The following ABCA9 variants were observed in gnomAD, a reference collection of about 807,000 sequenced individuals.
ABCA9 encodes the protein ATP-binding cassette sub-family A member 9.
In ABCA9, 183 loss-of-function variants were observed where a neutral mutation model predicts 205.3. The ratio of observed to expected loss-of-function variants is 0.89; its 90% CI spans 0.79 to 1.01. The LOEUF (loss-of-function observed/expected upper bound fraction) is 1.01, where lower values mean the gene tolerates loss of function less well. Ranked by LOEUF, ABCA9 falls within the 50% of genes least tolerant of loss-of-function variation. The pLI, the probability that ABCA9 is intolerant of heterozygous loss-of-function variation, is 0.00. For synonymous variants in ABCA9, 651 were observed against 683.3 expected (o/e 0.95, Z 0.74); for missense variants, 1,805 against 1,912.4 (o/e 0.94, Z 1.05).
intron 4 of ABCA9, 38 bp downstream of exon 4, chr17:69,045,134 C>A (rs777418310): frequency 1.9e-6 from 3 of 1,591,886 alleles, no homozygotes; most frequent in Non-Finnish European, 2.6e-6. Flanking sequence ...GCTACTGATA[C>A]AATAGCAAAA....
intron 1 of ABCA9, among the ~76,000 whole-genome samples, chr17:69,053,330 G>T (rs1382105848): frequency 6.6e-6 from 1 of 152,146 alleles, no homozygotes; most frequent in African/African-American, 2.4e-5. Flanking sequence ...GAAGCTCTGT[G>T]TCAGGAACAG....
intron 37 of ABCA9, among the ~76,000 whole-genome samples, chr17:68,981,320 T>C (rs550912121): frequency 6.6e-6 from 1 of 151,654 alleles, no homozygotes; most frequent in Admixed American, 6.6e-5. Context: ...GTTAAGTATG[T>C]GATGTGAAAA....
chr17:69,014,445 C>T (rs184104844), intron 22 of ABCA9, among the ~76,000 whole-genome samples: 5 of 152,044 alleles, frequency 3.3e-5, no homozygotes, highest in Non-Finnish European at 5.9e-5. Context: ...CTGAAAAAAT[C>T]GAGAATCCGA....
intron 31 of ABCA9, among the ~76,000 whole-genome samples, chr17:68,988,419 C>T (rs1179463845): frequency 6.6e-6 from 1 of 152,102 alleles, no homozygotes; most frequent in Non-Finnish European, 1.5e-5. Flanking sequence ...TCACCATTGT[C>T]CTTCAAGAAT....
At chr17:69,062,806 C>G (rs895526731), upstream of ABCA9, among the ~76,000 whole-genome samples, 1 of 152,176 alleles carries the variant, frequency 6.6e-6, no homozygotes, top group Non-Finnish European at 1.5e-5. Context: ...AGCCACTGCG[C>G]CCGACGTATT....
At chr17:69,068,860 G>A in the ABCA9 span, among the ~76,000 whole-genome samples, 1 of 152,070 alleles carries the variant, frequency 6.6e-6, no homozygotes, top group African/African-American at 2.4e-5. Flanking sequence ...TAAACACAAT[G>A]GACAACTCAA....
chr17:69,037,232 A>G (rs1018669939), intron 6 of ABCA9, among the ~76,000 whole-genome samples: 1 of 152,170 alleles, frequency 6.6e-6, no homozygotes, highest in Non-Finnish European at 1.5e-5. Flanking sequence ...ACATCTACAG[A>G]ACTCTCCACC....
At position 69,018,524 on chromosome 17, in the gene ABCA9, C is replaced by T. The variant is rs947227528; in HGVS notation, c.2656G>A (p.Glu886Lys). ...CACGGGTAACTTTTCTGATATGACT[C>T]GTAGAATAGATGTTCCAAAAGTTGA... ...IPQLLEHLFYESYQKSYPWEL... is the reference protein window; with the variant it reads ...IPQLLEHLFYKSYQKSYPWEL... The change falls in exon 20 of 39, where the codon GAG (glutamate) becomes AAG (lysine). Residue 886 changes from glutamate to lysine, a missense_variant. Transcript: ENST00000340001. The T allele has an allele frequency of 6.2e-6, 10 of 1,606,596 alleles. No individual in the cohort carries two copies. The highest frequency in any genetic ancestry group is 2.7e-5 in the African/African-American group (2 of 74,276).
At chr17:69,057,886 T>C (rs945405407) in intron 1 of ABCA9, among the ~76,000 whole-genome samples, 3 of 152,196 alleles carry the variant, frequency 2.0e-5, no homozygotes, top group African/African-American at 4.8e-5. Context: ...ATTATTTACA[T>C]AGAATTTACA....
rs185105972 is a variant in ABCA9 at position 69,027,149 on chromosome 17, C to A, written c.1912-35G>T. 1.6e-4 allele frequency: 256 copies of A among 1,607,894 alleles called. 1 individual carries two copies. The African/African-American group carries it at 2.8e-3, about 17-fold the overall frequency. On this transcript the variant is annotated intron_variant, in intron 14 of 38. Transcript: ENST00000340001. ...AGGAAAGTCCTAAAGTAATTCCACC[C>A]TTTCGGATAAGATCCTTTTAAAAAG...
chr17:68,999,845 T>A (rs1171237194), intron 25 of ABCA9, among the ~76,000 whole-genome samples: 1,973 of 151,968 alleles, frequency 0.013, 33 homozygotes, highest in African/African-American at 0.043. Context: ...GGTATCTCAT[T>A]GTGGTTTTGA....
chr17:68,993,215 A>G (rs1342482098), intron 26 of ABCA9, 131 bp from the exon 27 acceptor site: 4 of 705,186 alleles, frequency 5.7e-6, no homozygotes, highest in Admixed American at 2.7e-5. Context: ...CTTGGGTATC[A>G]TGTAAAAGTT....
At chr17:69,024,457 C>CA (rs565036102) in intron 16 of ABCA9, 104 bp from the exon 17 acceptor site, 40 of 1,130,038 alleles carry the variant, frequency 3.5e-5, no homozygotes, top group Middle Eastern at 4.1e-4. Flanking sequence ...ATTTATGAGA[C>CA]AAAAAAATGT....
At chr17:69,063,071 C>T (rs796224635), upstream of ABCA9, among the ~76,000 whole-genome samples, 1 of 152,118 alleles carries the variant, frequency 6.6e-6, no homozygotes, top group African/African-American at 2.4e-5. Flanking sequence ...ACATAACTTG[C>T]CCAAATTCAC....
At chr17:69,003,098 G>A (rs1007834894) in intron 25 of ABCA9, among the ~76,000 whole-genome samples, 2 of 151,062 alleles carry the variant, frequency 1.3e-5, no homozygotes, top group African/African-American at 4.9e-5. Flanking sequence ...CTTTTAATTG[G>A]AGCATTTAGT....
rs201779145 is a variant in ABCA9 at position 69,021,830 on chromosome 17, G to T, written c.2313C>A (p.Asn771Lys). Reference sequence around the variant, plus strand: ...AAACACCATAATCCTCAATGCCTTGGTTAGAACATCTATCAAGATCCCTGT... The same window carrying T: ...AAACACCATAATCCTCAATGCCTTGTTTAGAACATCTATCAAGATCCCTGT... ...ELYRDLDRCS[N>K]QGIEDYGVSI... The change falls in exon 18 of 39, where the codon AAC becomes AAA. Residue 771 changes from asparagine to lysine, a missense_variant. Asn to Lys is a moderately conservative substitution (Grantham distance 94). Transcript: ENST00000340001. 68 of 1,578,530 alleles carry T rather than the reference G, an allele frequency of 4.3e-5. No individual in the cohort carries two copies. Among genetic ancestry groups the T allele is most frequent in the Non-Finnish European group, 2.6e-6 (3 of 1,158,784 alleles).
chr17:69,026,326 C>T (rs2070982795), intron 16 of ABCA9, 51 bp downstream of exon 16: 1 of 1,448,558 alleles, frequency 6.9e-7, no homozygotes, highest in Non-Finnish European at 9.6e-7. Context: ...TACCACCTGC[C>T]TCCAGCATTT....
intron 3 of ABCA9, 44 bp downstream of exon 3, chr17:69,049,239 C>T: frequency 6.7e-7 from 1 of 1,488,252 alleles, no homozygotes; most frequent in Non-Finnish European, 9.1e-7. Flanking sequence ...GAATTTGTGC[C>T]TTTTGCAAAT....
intron 4 of ABCA9, 62 bp downstream of exon 4, chr17:69,045,110 A>G: frequency 7.1e-7 from 1 of 1,411,020 alleles, no homozygotes; most frequent in African/African-American, 1.4e-5. Flanking sequence ...GCTATCAGGT[A>G]TGCCCCCTTT....
Sources: gnomAD v4.1 joint callset for allele counts (sites outside exome capture counted in the v4.1 genomes callset) on GRCh38, gnomAD v4.1.1 for gene constraint, MANE v1.5 for transcripts, NCBI Gene and HGNC (gene_info 2026-07-23, HGNC 2026-07-21) for gene names.